Variants in PCDH15 observed in about 807,000 individuals in gnomAD.
The protein encoded by PCDH15 is protocadherin related 15.
A neutral mutation model predicts 178.5 loss-of-function variants in PCDH15; 129 were observed. The observed-to-expected ratio is 0.72, with a 90% confidence interval of 0.63 to 0.84. PCDH15 has a LOEUF of 0.84. Among genes scored for constraint, PCDH15 ranks in the 40% least tolerant of loss-of-function variants. The pLI, the probability that PCDH15 is intolerant of heterozygous loss-of-function variation, is 0.00. For missense variants in PCDH15, 2,230 were observed against 2,099.9 expected, an observed-to-expected ratio of 1.06 and a Z score of -1.21; for synonymous variants, 800 against 732.0, an observed-to-expected ratio of 1.09 and a Z score of -1.50.
At chr10:54,574,421 T>G (rs2090223182) in intron 2 of PCDH15, among the ~76,000 whole-genome samples, 1 of 152,142 alleles carries the variant, frequency 6.6e-6, no homozygotes, top group African/African-American at 2.4e-5. Flanking sequence ...CTGTTTTGGT[T>G]ACTGTAGCCT....
intron 2 of PCDH15, among the ~76,000 whole-genome samples, chr10:55,572,584 A>T (rs2132111339): frequency 6.6e-6 from 1 of 152,186 alleles, no homozygotes; most frequent in African/African-American, 2.4e-5. Flanking sequence ...AAGTGAGGAG[A>T]GATAAACAAT....
chr10:54,469,699 G>C (rs893540317), intron 3 of PCDH15, among the ~76,000 whole-genome samples: 1 of 152,132 alleles, frequency 6.6e-6, no homozygotes, highest in Non-Finnish European at 1.5e-5. Context: ...TCCCTGTGTG[G>C]CTTGCTTGGG....
chr10:54,546,837 A>G (rs1400531598), intron 2 of PCDH15, among the ~76,000 whole-genome samples: 1 of 152,190 alleles, frequency 6.6e-6, no homozygotes, highest in Non-Finnish European at 1.5e-5. Flanking sequence ...TCAACACCGC[A>G]TGATTCTCCT....
chr10:54,331,805 C>T (rs938712481), intron 6 of PCDH15, among the ~76,000 whole-genome samples: 1 of 151,970 alleles, frequency 6.6e-6, no homozygotes, highest in Admixed American at 6.6e-5. Flanking sequence ...TGACATTGTG[C>T]CTCAGAGGAG....
chr10:55,406,576 A>T (rs995862012), intron 2 of PCDH15, among the ~76,000 whole-genome samples: 6 of 152,194 alleles, frequency 3.9e-5, no homozygotes, highest in Admixed American at 3.9e-4. Context: ...ACAATAGCAG[A>T]TGTACCAGCT....
At chr10:54,925,348 CTTG>C (rs1564634271) in intron 2 of PCDH15, among the ~76,000 whole-genome samples, 3 of 151,992 alleles carry the variant, frequency 2.0e-5, no homozygotes, top group Non-Finnish European at 4.4e-5. Context: ...TTACTGTAGC[CTTG>C]TTGTATATAT....
At chr10:54,926,223 A>T (rs1002089327) in intron 2 of PCDH15, among the ~76,000 whole-genome samples, 1 of 151,948 alleles carries the variant, frequency 6.6e-6, no homozygotes, top group Non-Finnish European at 1.5e-5. Flanking sequence ...TTTTTTCATT[A>T]GTTATTTTTA....
intron 2 of PCDH15, among the ~76,000 whole-genome samples, chr10:55,484,435 G>A (rs906271881): frequency 2.0e-5 from 3 of 151,684 alleles, no homozygotes; most frequent in Non-Finnish European, 4.4e-5. Flanking sequence ...ATCCTATGAA[G>A]TGGAAGAATT....
chr10:54,951,122 C>A (rs544829386), intron 2 of PCDH15, among the ~76,000 whole-genome samples: 81 of 151,936 alleles, frequency 5.3e-4, no homozygotes, highest in African/African-American at 1.9e-3. Flanking sequence ...GTTGTATAGA[C>A]TATGGGTTTT....
intron 10 of PCDH15, among the ~76,000 whole-genome samples, chr10:54,205,789 C>T (rs998020753): frequency 6.6e-6 from 1 of 151,842 alleles, no homozygotes; most frequent in Non-Finnish European, 1.5e-5. Flanking sequence ...TGACTTTAAG[C>T]CAATTTATTA....
At chr10:54,793,795 A>G (rs1951677671) in intron 1 of PCDH15, among the ~76,000 whole-genome samples, 1 of 149,140 alleles carries the variant, frequency 6.7e-6, no homozygotes, top group Non-Finnish European at 1.5e-5. Flanking sequence ...GTATAAAATA[A>G]CCAAATGTTA....
At chr10:54,172,618 C>T (rs1220522971) in intron 13 of PCDH15, among the ~76,000 whole-genome samples, 1 of 151,964 alleles carries the variant, frequency 6.6e-6, no homozygotes, top group Non-Finnish European at 1.5e-5. Context: ...TGGACATATA[C>T]TAAAGAAAAT....
intron 2 of PCDH15, among the ~76,000 whole-genome samples, chr10:55,100,604 A>G (rs1346370182): frequency 6.6e-6 from 1 of 152,156 alleles, no homozygotes; most frequent in Non-Finnish European, 1.5e-5. Context: ...CAGAGATCAC[A>G]TGACAAGAGA....
intron 15 of PCDH15, among the ~76,000 whole-genome samples, chr10:54,093,593 T>C (rs2094640173): frequency 6.6e-6 from 1 of 152,162 alleles, no homozygotes. Flanking sequence ...CCTAAACATA[T>C]TTCTATCAGC....
At chr10:54,210,869 A>T (rs987499483) in intron 10 of PCDH15, among the ~76,000 whole-genome samples, 2 of 151,970 alleles carry the variant, frequency 1.3e-5, no homozygotes, top group Non-Finnish European at 2.9e-5. Flanking sequence ...TGAAACAATT[A>T]TGCTTCTAAT....
At chr10:54,730,135 C>T (rs1943136012) in intron 1 of PCDH15, among the ~76,000 whole-genome samples, 1 of 151,536 alleles carries the variant, frequency 6.6e-6, no homozygotes, top group African/African-American at 2.4e-5. Context: ...GTAACGAAGA[C>T]ATGGAATCAA....
At chr10:55,623,740 T>C (rs185500090) in intron 2 of PCDH15, among the ~76,000 whole-genome samples, 11 of 150,952 alleles carry the variant, frequency 7.3e-5, no homozygotes, top group Admixed American at 2.0e-4. Flanking sequence ...CTTGGGGGAT[T>C]ATTTTGAAAA....
chr10:54,297,818 C>G (rs944422650), intron 8 of PCDH15, among the ~76,000 whole-genome samples: 3 of 152,160 alleles, frequency 2.0e-5, no homozygotes, highest in Admixed American at 2.0e-4. Flanking sequence ...CTAGGGCAAG[C>G]CTTTGATCTT....
In PCDH15 at chr10:55,581,592, A is replaced by C. The variant is rs149060907; in HGVS notation, c.-156+46033T>G. Among the ~76,000 whole-genome samples the C allele has an allele frequency of 4.6e-3, 700 of 152,120 alleles. 7 individuals carry two copies. The highest frequency in any genetic ancestry group is 0.016 in the African/African-American group (679 of 41,516). On this transcript the variant is annotated intron_variant, in intron 2 of 5. Transcript: ENST00000613346. Reference sequence around the variant, plus strand: ...TAGTGGACTGCATCACATATATCCCAAAAATACGTGAAATGATTATGAGTC... The same window carrying C: ...TAGTGGACTGCATCACATATATCCCCAAAATACGTGAAATGATTATGAGTC...
Sources: allele counts gnomAD v4.1 joint callset (sites outside exome capture counted in the v4.1 genomes callset), GRCh38; gene constraint gnomAD v4.1.1; transcripts MANE v1.5; gene names NCBI Gene and HGNC (gene_info 2026-07-23, HGNC 2026-07-21).